FLG2: variants seen among roughly 807,000 people sequenced by gnomAD.
FLG2 encodes the protein filaggrin-2.
Under a neutral mutation model 3.9 loss-of-function variants are expected in FLG2, and 7 were observed. The observed-to-expected ratio is 1.79, with a 90% CI of 1.02 to 3.36. The LOEUF (loss-of-function observed/expected upper bound fraction) is 3.36, where lower values mean the gene tolerates loss of function less well. FLG2 is among the 30% of genes most tolerant of loss of function. FLG2 has a pLI of 0.00. For synonymous variants in FLG2, 1,031 were observed against 1,056.1 expected (o/e 0.98, Z 0.46); for missense variants, 2,700 against 2,809.4 (o/e 0.96, Z 0.88).
rs1362832418 is a variant in FLG2, at chr1:152,350,905, A to G, written c.6881T>C (p.Leu2294Pro). 1 of 1,592,782 alleles carries G rather than the reference A, an allele frequency of 6.3e-7. No homozygotes were observed. The highest frequency in any genetic ancestry group is 8.5e-7 in the Non-Finnish European group (1 of 1,171,958). ...RQPGSTVHGR[L>P]ETTHGQTGDT... ...TCCTGTCTGTCCATGAGTAGTTTCC[A>G]GTCTCCCATGAACTGTGGATCCTGG... Residue 2294 changes from leucine (L) to proline (P), a missense_variant, in exon 3 of 3, where the codon CTG becomes CCG. Coordinates refer to ENST00000388718, the MANE Select transcript of FLG2 (RefSeq NM_001014342.3).
In FLG2 at chr1:152,351,279, A is replaced by G. The variant is rs1481094759; in HGVS notation, c.6507T>C (p.Gly2169=). 2 of 1,601,002 alleles carry G rather than the reference A, an allele frequency of 1.2e-6. No homozygotes were observed. The highest frequency in any genetic ancestry group is 1.7e-6 in the Non-Finnish European group (2 of 1,175,720). Residue 2169 remains glycine, a synonymous_variant, in exon 3 of 3, where the codon GGT becomes GGC. Coordinates refer to ENST00000388718, the MANE Select transcript of FLG2 (RefSeq NM_001014342.3). ...ATCTTTGTCTTCCAGTTGTCCTGGA[A>G]CCTGTCTGTGTGGACTGTCCATGAC... The part of the protein sequence containing the change: ...QSGHGQSTQT[G]SRTTGRQRSS...
Position 152,353,205 on chromosome 1 carries a change from A to T in FLG2, c.4581T>A (p.Ser1527=). The change falls in exon 3 of 3, where the codon TCT becomes TCA. Residue 1527 remains serine, a synonymous_variant. Coordinates refer to ENST00000388718, the MANE Select transcript of FLG2 (RefSeq NM_001014342.3). ...HSGHTHGQSG[S]QHGESESIIH... is the part of the protein sequence containing the mutation. ...TTATGGATTCTGACTCTCCATGTTG[A>T]GATCCACTTTGGCCGTGAGTGTGTC... 1.2e-6 allele frequency: 2 copies of T among 1,608,762 alleles called. No homozygotes were observed. The highest frequency in any genetic ancestry group is 1.7e-6 in the Non-Finnish European group (2 of 1,179,102).
chr1:152,353,027 C>T lies in FLG2; in HGVS notation c.4759G>A (p.Gly1587Arg). 6.2e-7 allele frequency: 1 copy of T among 1,613,596 alleles called. No homozygotes were observed. Among genetic ancestry groups the T allele is most frequent in the Non-Finnish European group, 8.5e-7 (1 of 1,179,906 alleles). ...SESTDSEVHSGGSHRPHSREH... is the reference protein window; with the variant it reads ...SESTDSEVHSRGSHRPHSREH... ...CGTGAGTGTGGTCTGTGTGAGCCCC[C>T]TGAGTGCACTTCACTGTCAGTGGAC... Residue 1587 changes from glycine (G) to arginine (R), a missense_variant, in exon 3 of 3, where the codon GGG becomes AGG. Transcript: ENST00000388718.
Position 152,353,021 on chromosome 1 carries a change from A to T in FLG2, c.4765T>A (p.Ser1589Thr). The T allele has an allele frequency of 1.2e-6, 2 of 1,612,366 alleles. No homozygotes were observed. The highest frequency in any genetic ancestry group is 1.7e-6 in the Non-Finnish European group (2 of 1,179,744). Residue 1589 changes from serine (S) to threonine (T), a missense_variant, in exon 3 of 3, where the codon TCA becomes ACA. Coordinates refer to ENST00000388718, the MANE Select transcript of FLG2 (RefSeq NM_001014342.3). Reference protein sequence around the residue: ...STDSEVHSGGSHRPHSREHTY... With the variant: ...STDSEVHSGGTHRPHSREHTY... ...TGTTCTCGTGAGTGTGGTCTGTGTGAGCCCCCTGAGTGCACTTCACTGTCA... is the reference window on the plus strand; with the variant it reads ...TGTTCTCGTGAGTGTGGTCTGTGTGTGCCCCCTGAGTGCACTTCACTGTCA...
chr1:152,358,987 T>C, intron 1 of FLG2, 81 bp from the exon 2 acceptor site: 2 of 1,337,280 alleles, frequency 1.5e-6, no homozygotes, highest in Non-Finnish European at 2.0e-6. Flanking sequence ...ATAACCAGCA[T>C]GATTTTTTTA....
intron 2 of FLG2, among the ~76,000 whole-genome samples, chr1:152,357,892 C>T (rs745364007): frequency 2.6e-5 from 4 of 152,056 alleles, no homozygotes; most frequent in Non-Finnish European, 5.9e-5. Context: ...TTAGGTAAGG[C>T]CTACAGGAAG....
rs1654258301 is a variant in FLG2, at chr1:152,356,934, A to G, written c.852T>C (p.Asn284=). ...GRRSHACGYS[N]SSGCGRPQNA... is the part of the protein sequence containing the mutation. ...TTTGTGGCCTTCCACACCCACTTGA[A>G]TTGCTATAACCACATGCATGACTTC... Residue 284 remains asparagine, a synonymous_variant, in exon 3 of 3, where the codon AAT becomes AAC. Coordinates refer to ENST00000388718, the MANE Select transcript of FLG2 (RefSeq NM_001014342.3). 1 of 1,614,198 alleles carries G rather than the reference A, an allele frequency of 6.2e-7. No homozygotes were observed. Among genetic ancestry groups the G allele is most frequent in the Middle Eastern group, 1.6e-4 (1 of 6,062 alleles).
In FLG2 at chr1:152,353,937, C is replaced by G; in HGVS notation, c.3849G>C (p.Lys1283Asn). Residue 1283 changes from lysine (K) to asparagine (N), a missense_variant, in exon 3 of 3, where the codon AAG becomes AAC. Lys to Asn is a moderately conservative substitution (Grantham distance 94, BLOSUM62 0). Coordinates refer to ENST00000388718, the MANE Select transcript of FLG2 (RefSeq NM_001014342.3). ...TGTGTTCTGAATGTCTGTGTGAGAC[C>G]TTTGAGTGCACTTCACTGTCACTGT... Reference protein sequence around the residue: ...SENSDSEVHSKVSHRHSEHIH... With the variant: ...SENSDSEVHSNVSHRHSEHIH... 1 of 1,614,092 alleles carries G rather than the reference C, an allele frequency of 6.2e-7. No individual in the cohort carries two copies. The highest frequency in any genetic ancestry group is 1.7e-5 in the Admixed American group (1 of 60,026).
rs1168892970 is a variant in FLG2, at chr1:152,352,474, T to C, written c.5312A>G (p.His1771Arg). 13 of 1,613,202 alleles carry C rather than the reference T, an allele frequency of 8.1e-6. No individual in the cohort carries two copies. The highest frequency in any genetic ancestry group is 1.1e-5 in the Non-Finnish European group (13 of 1,179,766). Residue 1771 changes from histidine to arginine, a missense_variant, in exon 3 of 3, where the codon CAT becomes CGT. His to Arg is a conservative substitution (Grantham distance 29). Coordinates refer to ENST00000388718, the MANE Select transcript of FLG2 (RefSeq NM_001014342.3). ...TCTGGTGGTATCGCCTGTCTGTCCA[T>C]GTATAGTTCCATGTCTCTCATGAAC... ...SIVHERHGTI[H>R]GQTGDTTRHA...
At position 152,352,612 on chromosome 1, in the gene FLG2, C is replaced by A; in HGVS notation, c.5174G>T (p.Gly1725Val). 1.2e-6 allele frequency: 2 copies of A among 1,613,246 alleles called. No individual in the cohort carries two copies. The highest frequency in any genetic ancestry group is 1.7e-6 in the Non-Finnish European group (2 of 1,179,798). The change falls in exon 3 of 3, where the codon GGA becomes GTA. Residue 1725 changes from glycine to valine, a missense_variant. Coordinates refer to ENST00000388718, the MANE Select transcript of FLG2 (RefSeq NM_001014342.3). The stretch of plus-strand genomic sequence containing the variant: ...GTCACTGTACTCACTGTGGCCAGAT[C>A]CCCTTCTTCCAGTAGTCCTGGACCC... ...QTGSRTTGRR[G>V]SGHSEYSDSE...
At position 152,354,408 on chromosome 1, in the gene FLG2, A is replaced by G. The variant is rs563288709; in HGVS notation, c.3378T>C (p.Ser1126=). Residue 1126 remains serine, a synonymous_variant, in exon 3 of 3, where the codon TCT becomes TCC. Transcript: ENST00000388718. ...GQYGSGSGQS[S]GFGQHGSGTG... The stretch of plus-strand genomic sequence containing the variant: ...TGCCTGACCCATGTTGTCCAAAGCC[A>G]GAAGACTGACCTGAGCCCGATCCAT... 4.3e-6 allele frequency: 7 copies of G among 1,614,156 alleles called. No individual in the cohort carries two copies. In the African/African-American group the frequency reaches 6.7e-5, roughly 15 times the overall value.
intron 1 of FLG2, 126 bp from the exon 2 acceptor site, chr1:152,359,032 G>T: frequency 1.2e-6 from 1 of 835,304 alleles, no homozygotes; most frequent in Non-Finnish European, 1.8e-6. Flanking sequence ...ACGTAAGAAT[G>T]GGCCAGGGAT....
chr1:152,351,066 G>A lies in FLG2; in HGVS notation c.6720C>T (p.Ser2240=), dbSNP rs75817593. ...CAGTTGTCCTGGACCCTCTCTGTGT[G>A]GATTGTCCATAACCATAGTGGGCAT... is the stretch of plus-strand genomic sequence containing the variant. ...TRHAHYGYGQ[S]TQRGSRTTGR... The change falls in exon 3 of 3, where the codon TCC becomes TCT. Residue 2240 remains serine, a synonymous_variant. Coordinates refer to ENST00000388718, the MANE Select transcript of FLG2 (RefSeq NM_001014342.3). 1.7e-3 allele frequency: 2,807 copies of A among 1,613,502 alleles called. 43 individuals are homozygous for A. The African/African-American group carries it at 0.033, about 19-fold the overall frequency.
chr1:152,354,475 T>C lies in FLG2; in HGVS notation c.3311A>G (p.Gln1104Arg). ...SNSGQTSGFG[Q>R]HRPGSGQSSG... ...GGACTGACCTGAGCCTGGCCTGTGT[T>C]GTCCAAATCCAGATGTCTGTCCTGA... Residue 1104 changes from glutamine to arginine, a missense_variant, in exon 3 of 3, where the codon CAA (glutamine) becomes CGA (arginine). Coordinates refer to ENST00000388718, the MANE Select transcript of FLG2 (RefSeq NM_001014342.3). 1 of 1,614,170 alleles carries C rather than the reference T, an allele frequency of 6.2e-7. No homozygotes were observed.
Position 152,351,161 on chromosome 1 carries a change from C to G in FLG2, c.6625G>C (p.Gly2209Arg). 6.2e-7 allele frequency: 1 copy of G among 1,612,256 alleles called. No individual in the cohort carries two copies. The highest frequency in any genetic ancestry group is 8.5e-7 in the Non-Finnish European group (1 of 1,179,558). ...HTHSQAGSRH[G>R]QSGSSGHGRQ... ...CCATGACCTGAGGATCCTGACTGTC[C>G]ATGTCGAGATCCGGCTTGGCTGTGA... is the stretch of plus-strand genomic sequence containing the variant. Residue 2209 changes from glycine (G) to arginine (R), a missense_variant, in exon 3 of 3, where the codon GGA (glycine) becomes CGA (arginine). Physicochemically the swap from Gly to Arg is moderately radical, Grantham distance 125. Transcript: ENST00000388718.
At position 152,355,263 on chromosome 1, in the gene FLG2, A is replaced by T. The variant is rs764579268; in HGVS notation, c.2523T>A (p.His841Gln). 1 of 1,612,158 alleles carries T rather than the reference A, an allele frequency of 6.2e-7. No individual in the cohort carries two copies. Among genetic ancestry groups the T allele is most frequent in the Non-Finnish European group, 8.5e-7 (1 of 1,179,662 alleles). The stretch of plus-strand genomic sequence containing the variant: ...AACCATGTTGGCCATAGCTGGACTG[A>T]TGTGATCTAGACTCATGCTGTCCAA... ...SGFGQHESRS[H>Q]QSSYGQHGSG... The change falls in exon 3 of 3, where the codon CAT becomes CAA. Residue 841 changes from histidine to glutamine, a missense_variant. Coordinates refer to ENST00000388718, the MANE Select transcript of FLG2 (RefSeq NM_001014342.3).
In FLG2 at chr1:152,356,448, T is replaced by C. The variant is rs116085610; in HGVS notation, c.1338A>G (p.Val446=). The C allele has an allele frequency of 5.6e-4, 897 of 1,614,210 alleles. 5 individuals carry two copies. The African/African-American group carries it at 0.011, about 20-fold the overall frequency. Residue 446 remains valine (V), a synonymous_variant, in exon 3 of 3, where the codon GTA becomes GTG. Coordinates refer to ENST00000388718, the MANE Select transcript of FLG2 (RefSeq NM_001014342.3). ...GGCCACAAGTTTGACCTGAGCCACA[T>C]ACATGTTGTTCGAACCCAGAGGACT... is the stretch of plus-strand genomic sequence containing the variant. ...LSQSSGFEQH[V]CGSGQTCGQH... is the part of the protein sequence containing the mutation.
In FLG2 at chr1:152,355,967, C is replaced by G; in HGVS notation, c.1819G>C (p.Gly607Arg). The G allele has an allele frequency of 6.2e-7, 1 of 1,609,272 alleles. No individual in the cohort carries two copies. Among genetic ancestry groups the G allele is most frequent in the East Asian group, 2.2e-5 (1 of 44,642 alleles). ...GSGSGQSSGF[G>R]QHESRSGQSS... is the part of the protein sequence containing the mutation. ...TGACCTGATCTAGACTCATGTTGTC[C>G]AAAGCCAGAGGATTGTCCTGAGCCA... The change falls in exon 3 of 3, where the codon GGA becomes CGA. Residue 607 changes from glycine (G) to arginine (R), a missense_variant. Gly to Arg is a moderately radical substitution (Grantham distance 125, BLOSUM62 -2). Transcript: ENST00000388718.
In FLG2 at chr1:152,353,261, C is replaced by T; in HGVS notation, c.4525G>A (p.Val1509Met). Residue 1509 changes from valine to methionine, a missense_variant, in exon 3 of 3, where the codon GTG becomes ATG. Val to Met is a conservative substitution (Grantham distance 21). Transcript: ENST00000388718. ...TGTGTGTGCGAGCCCCCTGAGTGCA[C>T]TTCACTGTCACTGGACTCACTGTGG... ...SGHSESSDSE[V>M]HSGGSHTHSG... 2 of 1,568,516 alleles carry T rather than the reference C, an allele frequency of 1.3e-6. No homozygotes were observed. Among genetic ancestry groups the T allele is most frequent in the Non-Finnish European group, 8.6e-7 (1 of 1,156,400 alleles).
Sources: gnomAD v4.1 joint callset for allele counts (sites outside exome capture counted in the v4.1 genomes callset) on GRCh38, gnomAD v4.1.1 for gene constraint, MANE v1.5 for transcripts, NCBI Gene and HGNC (gene_info 2026-07-23, HGNC 2026-07-21) for gene names.